Variants in DPEP1 observed in about 807,000 individuals in gnomAD.
DPEP1 encodes the protein dipeptidase 1.
A neutral mutation model predicts 42.3 loss-of-function variants in DPEP1; 50 were observed. The observed-to-expected ratio is 1.18, with a 90% CI of 0.94 to 1.50. The LOEUF is 1.50. DPEP1 is among the 40% of genes most tolerant of loss of function. DPEP1 has a pLI of 0.00. For synonymous variants in DPEP1, 297 were observed against 234.0 expected (o/e 1.27, Z -2.46); for missense variants, 663 against 553.0 (o/e 1.20, Z -1.99).
At chr16:89,638,999 A>G (rs1165999578), downstream of DPEP1, among the ~76,000 whole-genome samples, 2 of 54,212 alleles carry the variant, frequency 3.7e-5, no homozygotes, top group African/African-American at 8.9e-5. Flanking sequence ...ACCCCTGCAC[A>G]CACACACACA....
rs555284581 is a variant in DPEP1 at position 89,636,881 on chromosome 16, G to A, written c.537G>A (p.Leu179=). 5.0e-6 allele frequency: 8 copies of A among 1,612,574 alleles called. No individual in the cohort carries two copies. In the African/African-American group the frequency reaches 6.7e-5, roughly 13 times the overall value. The stretch of plus-strand genomic sequence containing the variant: ...GCTTCTCCAGGGCTGACAACTGGCT[G>A]GTGGACACGGGAGACAGCGAGCCCC... ...SCNTPWADNW[L]VDTGDSEPQS... is the part of the protein sequence containing the mutation. The change falls in exon 6 of 11, where the codon CTG becomes CTA. Residue 179 remains leucine (L), a synonymous_variant. Coordinates refer to ENST00000690203, the MANE Select transcript of DPEP1 (RefSeq NM_001389466.1).
In DPEP1 at chr16:89,624,469, GATTT is replaced by G. The variant is rs1017652784; in HGVS notation, c.-106-5832_-106-5829del. Among the ~76,000 whole-genome samples, 5 of 152,108 alleles carry G rather than the reference GATTT, an allele frequency of 3.3e-5. No homozygotes were observed. In the South Asian group the frequency reaches 8.3e-4, roughly 25 times the overall value. ...ACGGAAAGAAAGCAGCGAAAGCAGG[GATTT>G]ATTAAAGCGAGAAAGGTCGGGAGTG... On this transcript the variant is annotated intron_variant, in intron 1 of 10. Coordinates refer to ENST00000690203, the MANE Select transcript of DPEP1 (RefSeq NM_001389466.1).
intron 1 of DPEP1, among the ~76,000 whole-genome samples, chr16:89,617,599 G>T (rs2059391929): frequency 6.6e-6 from 1 of 151,980 alleles, no homozygotes; most frequent in African/African-American, 2.4e-5. Context: ...TGTAATCCCA[G>T]CACTTTGGGA....
intron 1 of DPEP1, among the ~76,000 whole-genome samples, chr16:89,617,357 G>A (rs930248200): frequency 5.9e-5 from 9 of 152,132 alleles, no homozygotes; most frequent in African/African-American, 1.9e-4. Flanking sequence ...CCTGCCTCAC[G>A]AGGCCACAGG....
chr16:89,637,513 A>AT lies in DPEP1; in HGVS notation c.817dup (p.Ser273PhefsTer34). The AT allele has an allele frequency of 6.2e-7, 1 of 1,612,646 alleles. No homozygotes were observed. The highest frequency in any genetic ancestry group is 1.1e-5 in the South Asian group (1 of 91,078). ...GATGGTGAACTTCTACAACAATTAC[A>AT]TTTCCTGCACCAACAAGGCCAACCT... On this transcript the variant is annotated frameshift_variant, in exon 8 of 11. Transcript: ENST00000690203. LOFTEE classifies it high-confidence loss of function.
rs533253985 is a variant in DPEP1 at position 89,623,441 on chromosome 16, T to C, written c.-106-6864T>C. Among the ~76,000 whole-genome samples the C allele has an allele frequency of 3.3e-5, 5 of 152,176 alleles. No individual in the cohort carries two copies. The South Asian group carries it at 1.0e-3, about 32-fold the overall frequency. On this transcript the variant is annotated intron_variant, in intron 1 of 10. Transcript: ENST00000690203. The stretch of plus-strand genomic sequence containing the variant: ...TGTTGCTTTATTTTTAAATATGAAA[T>C]TTGTAGTGACAAAGATTGCCCGCTG...
chr16:89,618,464 C>T (rs546169089), intron 1 of DPEP1, among the ~76,000 whole-genome samples: 9 of 152,278 alleles, frequency 5.9e-5, no homozygotes, highest in East Asian at 3.9e-4. Flanking sequence ...GCGATCCTCC[C>T]GCCTTGGCCA....
At chr16:89,634,357 G>A (rs767405850) in intron 2 of DPEP1, among the ~76,000 whole-genome samples, 9 of 152,120 alleles carry the variant, frequency 5.9e-5, no homozygotes, top group Non-Finnish European at 1.0e-4. Context: ...AAAGTGCTGG[G>A]ATTACAGGCA....
At chr16:89,616,417 G>A (rs2059379523) in intron 1 of DPEP1, among the ~76,000 whole-genome samples, 1 of 152,142 alleles carries the variant, frequency 6.6e-6, no homozygotes, top group Non-Finnish European at 1.5e-5. Flanking sequence ...GGAGACAGCG[G>A]GTGTGCTCGG....
rs1472020437 is a variant in DPEP1 at position 89,618,933 on chromosome 16, G to GCCCCCTGCCCCCCCGCTCCC, written c.-107+5215_-107+5216insCCCCTGCCCCCCCGCTCCCC. On this transcript the variant is annotated intron_variant, in intron 1 of 10. Transcript: ENST00000690203. ...TTGCCCTCCCTGCTCCCTCCCTGCA[G>GCCCCCTGCCCCCCCGCTCCC]CTCCCTGCCCCCCTGCTCCCCTCCC... is the stretch of plus-strand genomic sequence containing the variant. Among the ~76,000 whole-genome samples, 8 of 118,442 alleles carry GCCCCCTGCCCCCCCGCTCCC rather than the reference G, an allele frequency of 6.8e-5. 2 individuals are homozygous for GCCCCCTGCCCCCCCGCTCCC. The highest frequency in any genetic ancestry group is 3.7e-4 in the East Asian group (1 of 2,718). 77.7% of individuals were successfully genotyped at this position (118,442 alleles called of 152,430 possible). A position where few individuals can be genotyped will look rare whatever the true frequency, so the allele number is the denominator to read the frequency against.
Position 89,613,687 on chromosome 16 carries a change from G to T in DPEP1, c.-139G>T, listed in dbSNP as rs2059351967. 1 of 152,764 alleles carries T rather than the reference G, an allele frequency of 6.5e-6. No individual in the cohort carries two copies. Among genetic ancestry groups the T allele is most frequent in the Non-Finnish European group, 1.5e-5 (1 of 68,370 alleles). The allele number at this position is 152,764 out of a possible 1,614,324, so 9.5% of individuals were successfully genotyped here. A position where few individuals can be genotyped will look rare whatever the true frequency, so the allele number is the denominator to read the frequency against. ...GTGGGAGCTGCCTAGGCCGGGCCCT[G>T]CCAGGGAGCAAGTCTGCATCGCAGA... On this transcript the variant is annotated 5_prime_UTR_variant, in exon 1 of 11. Transcript: ENST00000690203.
chr16:89,616,949 C>T lies in DPEP1; in HGVS notation c.-107+3230C>T, dbSNP rs533640340. On this transcript the variant is annotated intron_variant, in intron 1 of 10. Transcript: ENST00000690203. The stretch of plus-strand genomic sequence containing the variant: ...GGGCAGGTTTTACCGAGCGGCGTGA[C>T]GGCTCCAGAGGGGATGATGGAGTCT... 1.0e-3 allele frequency: 236 copies of T among 226,336 alleles called. 2 individuals carry two copies. The highest frequency in any genetic ancestry group is 5.4e-3 in the African/African-American group (226 of 41,762). The allele number at this position is 226,336 out of a possible 1,614,324, so 14.0% of individuals were successfully genotyped here. A position where few individuals can be genotyped will look rare whatever the true frequency, so the allele number is the denominator to read the frequency against.
chr16:89,624,955 G>A (rs887498717), intron 1 of DPEP1, among the ~76,000 whole-genome samples: 4 of 152,190 alleles, frequency 2.6e-5, no homozygotes, highest in South Asian at 2.1e-4. Flanking sequence ...AGGGTGGCCC[G>A]CAGCCAGTCC....
At chr16:89,634,293 TAGCC>T (rs1390928434) in intron 2 of DPEP1, among the ~76,000 whole-genome samples, 1 of 152,020 alleles carries the variant, frequency 6.6e-6, no homozygotes, top group African/African-American at 2.4e-5. Flanking sequence ...TTCACCATGT[TAGCC>T]AGGATGATCT....
chr16:89,631,428 G>A (rs954314259), intron 2 of DPEP1, among the ~76,000 whole-genome samples: 5 of 152,208 alleles, frequency 3.3e-5, no homozygotes, highest in African/African-American at 7.2e-5. Context: ...CACTGGCTCC[G>A]CGTTGGGGTG....
downstream of DPEP1, among the ~76,000 whole-genome samples, chr16:89,640,234 G>T (rs948907424): frequency 4.6e-5 from 7 of 152,230 alleles, no homozygotes; most frequent in African/African-American, 7.2e-5. Context: ...GGCCCTGGGG[G>T]TGAGGGGACT....
rs1239239717 is a variant in DPEP1, at chr16:89,637,231, G to C, written c.619G>C (p.Gly207Arg). 2 of 1,612,532 alleles carry C rather than the reference G, an allele frequency of 1.2e-6. No homozygotes were observed. Among genetic ancestry groups the C allele is most frequent in the Admixed American group, 3.3e-5 (2 of 59,992 alleles). Residue 207 changes from glycine (G) to arginine (R), a missense_variant, in exon 7 of 11, where the codon GGG (glycine) becomes CGG (arginine). By Grantham distance (125) the Gly-to-Arg change is moderately radical. Coordinates refer to ENST00000690203, the MANE Select transcript of DPEP1 (RefSeq NM_001389466.1). ...TGTGGTGAAGGAGCTGAACCGTCTG[G>C]GGGTCCTCATCGACTTGGCTCACGT... ...QRVVKELNRL[G>R]VLIDLAHVSV... is the part of the protein sequence containing the mutation.
intron 1 of DPEP1, among the ~76,000 whole-genome samples, chr16:89,624,135 C>G (rs74033807): frequency 6.6e-6 from 1 of 152,116 alleles, no homozygotes; most frequent in Non-Finnish European, 1.5e-5. Context: ...CCTGCCGACC[C>G]GCTGCTAGGG....
chr16:89,632,110 C>T (rs1031685200), intron 2 of DPEP1, among the ~76,000 whole-genome samples: 2 of 152,132 alleles, frequency 1.3e-5, no homozygotes, highest in Non-Finnish European at 2.9e-5. Flanking sequence ...AGTGCAGTGG[C>T]GTGATCTCAG....
Sources: gnomAD v4.1 joint callset for allele counts (sites outside exome capture counted in the v4.1 genomes callset) on GRCh38, gnomAD v4.1.1 for gene constraint, MANE v1.5 for transcripts, NCBI Gene and HGNC (gene_info 2026-07-23, HGNC 2026-07-21) for gene names.